Variants in MYH4 observed in about 807,000 individuals in gnomAD.
MYH4 encodes myosin-4.
Under a neutral mutation model 229.9 loss-of-function variants are expected in MYH4, and 200 were observed. The observed-to-expected ratio is 0.87, with a 90% CI of 0.78 to 0.98. The LOEUF is 0.98. Ranked by LOEUF, MYH4 falls within the 50% of genes least tolerant of loss-of-function variation. The pLI, the probability that MYH4 is intolerant of heterozygous loss-of-function variation, is 0.00. For synonymous variants in MYH4, 761 were observed against 834.6 expected (o/e 0.91, Z 1.52); for missense variants, 2,148 against 2,332.6 (o/e 0.92, Z 1.63).
rs1435424917 is a variant in MYH4, at chr17:10,445,015, C to G, written c.5427G>C (p.Leu1809=). ...LRLDEAEQLA[L]KGGKKQIQKL... is the part of the protein sequence containing the mutation. ...TCTGGATCTGCTTCTTCCCACCCTT[C>G]AGCGCCAGCTGCTCAGCCTCATCCA... Residue 1809 remains leucine (L), a synonymous_variant, in exon 37 of 40, where the codon CTG becomes CTC. Transcript: ENST00000255381. The G allele has an allele frequency of 6.2e-7, 1 of 1,614,142 alleles. No individual in the cohort carries two copies. The highest frequency in any genetic ancestry group is 2.2e-5 in the East Asian group (1 of 44,878).
Position 10,465,517 on chromosome 17 carries a change from G to T in MYH4, c.430C>A (p.Arg144=), listed in dbSNP as rs376085859. 24 of 1,613,956 alleles carry T rather than the reference G, an allele frequency of 1.5e-5. No homozygotes were observed. Among genetic ancestry groups the T allele is most frequent in the Middle Eastern group, 1.6e-4 (1 of 6,080 alleles). The change falls in exon 5 of 40, where the codon CGA becomes AGA. Residue 144 remains arginine (R), a synonymous_variant. Transcript: ENST00000255381. ...VYNPEVVTAY[R]GKKRQEAPPH... is the part of the protein sequence containing the mutation. ...GGGGCCTCCTGGCGCTTTTTGCCTC[G>T]GTAGGCTGTCACCACCTCAGGGTTG... is the stretch of plus-strand genomic sequence containing the variant.
At position 10,447,019 on chromosome 17, in the gene MYH4, G is replaced by A. The variant is rs142440574; in HGVS notation, c.5163C>T (p.His1721=). The change falls in exon 35 of 40, where the codon CAC becomes CAT. Residue 1721 remains histidine (H), a synonymous_variant. Transcript: ENST00000255381. ...CCATAGTCTTGAACCTCACCTGAGT[G>A]TGCAGAAGTTGCACACGTTCACTGG... ...LDASERVQLL[H]TQNTSLINTK... 5.5e-4 allele frequency: 891 copies of A among 1,613,794 alleles called. 19 individuals carry two copies. Among genetic ancestry groups the A allele is most frequent in the Middle Eastern group, 1.7e-4 (1 of 6,046 alleles).
chr17:10,462,022 G>A (rs55865442), intron 11 of MYH4, among the ~76,000 whole-genome samples: 54,258 of 151,880 alleles, frequency 0.36, 10,776 homozygotes, highest in East Asian at 0.81. Context: ...GACATACAAA[G>A]ATAATAATAA....
Position 10,453,732 on chromosome 17 carries a change from C to T in MYH4, c.2845G>A (p.Asp949Asn), listed in dbSNP as rs760223719. The T allele has an allele frequency of 2.5e-5, 41 of 1,613,938 alleles. 1 individual carries two copies. Among genetic ancestry groups the T allele is most frequent in the Middle Eastern group, 1.6e-4 (1 of 6,084 alleles). ...TCTTTCTTGAGCTCTGAACATTCATCCTCCAGTTTCCTCTTCTTGGCTGTC... is the reference window on the plus strand; with the variant it reads ...TCTTTCTTGAGCTCTGAACATTCATTCTCCAGTTTCCTCTTCTTGGCTGTC... ...ELTAKKRKLE[D>N]ECSELKKDID... The change falls in exon 23 of 40, where the codon GAT becomes AAT. Residue 949 changes from aspartate to asparagine, a missense_variant. By Grantham distance (23) the Asp-to-Asn change is conservative. Coordinates refer to ENST00000255381, the MANE Select transcript of MYH4 (RefSeq NM_017533.2).
Position 10,443,498 on chromosome 17 carries a change from C to T in MYH4, c.5697G>A (p.Lys1899=). The change falls in exon 40 of 40, where the codon AAG becomes AAA. Residue 1899 remains lysine (K), a synonymous_variant. Transcript: ENST00000255381. The surrounding 1 kb of genome is among the most constrained non-coding windows in gnomAD (Gnocchi z 4.6). ...AEEQSNVNLA[K]FRKLQHELEE... is the part of the protein sequence containing the mutation. ...CCAGCTCGTGCTGGAGCTTGCGGAA[C>T]TTGGCAAGGTTGACATTGGATTGTT... 6.2e-7 allele frequency: 1 copy of T among 1,614,038 alleles called. No homozygotes were observed. The highest frequency in any genetic ancestry group is 8.5e-7 in the Non-Finnish European group (1 of 1,179,948).
At chr17:10,463,720 A>G (rs1597423947) in intron 7 of MYH4, 77 bp from the exon 8 acceptor site, 2 of 1,133,280 alleles carry the variant, frequency 1.8e-6, no homozygotes, top group Non-Finnish European at 2.6e-6. Flanking sequence ...TCCCTTCCCC[A>G]TTGCCCCTGC....
chr17:10,457,414 C>T lies in MYH4; in HGVS notation c.1897+6G>A. 6.3e-7 allele frequency: 1 copy of T among 1,592,768 alleles called. No individual in the cohort carries two copies. On this transcript the variant is annotated splice_donor_region_variant and intron_variant, in intron 16 of 39. Coordinates refer to ENST00000255381, the MANE Select transcript of MYH4 (RefSeq NM_017533.2). Reference sequence around the variant, plus strand: ...CTTGTAACATATTAGTGCTATTAAACATGACCTGCTTCAGCAGTTTGTGCC... The same window carrying T: ...CTTGTAACATATTAGTGCTATTAAATATGACCTGCTTCAGCAGTTTGTGCC...
intron 2 of MYH4, among the ~76,000 whole-genome samples, chr17:10,468,225 A>C (rs2142235966): frequency 6.6e-6 from 1 of 152,334 alleles, no homozygotes; most frequent in South Asian, 2.1e-4. Context: ...TTGAATTAAC[A>C]ACACACTACC....
In MYH4 at chr17:10,452,083, T is replaced by C. The variant is rs909052554; in HGVS notation, c.3596A>G (p.Lys1199Arg). 6.2e-7 allele frequency: 1 copy of C among 1,613,880 alleles called. No homozygotes were observed. The highest frequency in any genetic ancestry group is 1.3e-5 in the African/African-American group (1 of 74,898). ...HEATAAALRK[K>R]HADSVAELGE... is the part of the protein sequence containing the mutation. ...AAGCTCAGCCACACTATCTGCGTGC[T>C]TCTTCCGAAGAGCAGCTGCCGTGGC... Residue 1199 changes from lysine to arginine, a missense_variant, in exon 27 of 40, where the codon AAG becomes AGG. Coordinates refer to ENST00000255381, the MANE Select transcript of MYH4 (RefSeq NM_017533.2).
In MYH4 at chr17:10,466,754, G is replaced by T; in HGVS notation, c.-9C>A. The T allele has an allele frequency of 6.2e-7, 1 of 1,614,190 alleles. No individual in the cohort carries two copies. Among genetic ancestry groups the T allele is most frequent in the Non-Finnish European group, 8.5e-7 (1 of 1,180,028 alleles). The stretch of plus-strand genomic sequence containing the variant: ...TCAGAGTCAGAACTCATGGCTGCAG[G>T]TTATTGATGGCAGTACTGGACTAGG... On this transcript the variant is annotated 5_prime_UTR_variant, in exon 3 of 40. Transcript: ENST00000255381.
intron 2 of MYH4, among the ~76,000 whole-genome samples, chr17:10,468,063 G>C (rs1279826788): frequency 6.6e-6 from 1 of 152,210 alleles, no homozygotes. Flanking sequence ...AGTCTTATCT[G>C]TAAAAGTGTC....
At chr17:10,467,163 C>T (rs1273121380) in intron 2 of MYH4, among the ~76,000 whole-genome samples, 1 of 152,118 alleles carries the variant, frequency 6.6e-6, no homozygotes, top group African/African-American at 2.4e-5. Flanking sequence ...CGTGATGATA[C>T]AAAGAAATGG....
In MYH4 at chr17:10,452,526, T is replaced by G. The variant is rs1336088177; in HGVS notation, c.3258-20A>C. 4 of 1,606,044 alleles carry G rather than the reference T, an allele frequency of 2.5e-6. No homozygotes were observed. The highest frequency in any genetic ancestry group is 2.6e-6 in the Non-Finnish European group (3 of 1,173,530). The stretch of plus-strand genomic sequence containing the variant: ...TCTTTCCTATTAGAAGAGCAACACA[T>G]TAGCTTATAATCACTTCTCTTACCA... On this transcript the variant is annotated intron_variant, in intron 25 of 39. Transcript: ENST00000255381.
chr17:10,455,948 A>G, intron 17 of MYH4, 47 bp from the exon 18 acceptor site: 1 of 1,606,804 alleles, frequency 6.2e-7, no homozygotes, highest in Non-Finnish European at 8.5e-7. Context: ...AGTTGCATCG[A>G]CATGAGAGTC....
Position 10,459,873 on chromosome 17 carries a change from G to A in MYH4, c.1416+79C>T, listed in dbSNP as rs185794669. 196 of 1,607,050 alleles carry A rather than the reference G, an allele frequency of 1.2e-4. 1 individual carries two copies. The Admixed American group carries it at 3.2e-3, about 26-fold the overall frequency. On this transcript the variant is annotated intron_variant, in intron 14 of 39. Transcript: ENST00000255381. ...GAATTACATTTGTATATTTTGTAAG[G>A]TACATTTTGTAAATGTGATTTTGTA... is the stretch of plus-strand genomic sequence containing the variant.
chr17:10,461,369 AC>A (rs1042724738), intron 11 of MYH4, among the ~76,000 whole-genome samples: 1 of 151,442 alleles, frequency 6.6e-6, no homozygotes, highest in African/African-American at 2.4e-5. Context: ...CCTTTTCTCC[AC>A]CCCAGCCCCC....
chr17:10,450,331 TATAATAAA>T (rs2072558564), intron 30 of MYH4, 114 bp downstream of exon 30: 23 of 1,490,332 alleles, frequency 1.5e-5, no homozygotes, highest in Non-Finnish European at 1.9e-5. Context: ...TCCACCAACC[TATAATAAA>T]ATAAGCTGAA....
rs73275422 is a variant in MYH4, at chr17:10,452,807, T to C, written c.3237A>G (p.Gln1079=). The C allele has an allele frequency of 6.2e-7, 1 of 1,606,284 alleles. No individual in the cohort carries two copies. The highest frequency in any genetic ancestry group is 1.3e-5 in the African/African-American group (1 of 74,478). Residue 1079 remains glutamine, a synonymous_variant, in exon 25 of 40, where the codon CAA becomes CAG. Transcript: ENST00000255381. ...STMDTENDKQ[Q]LNEKLKKKEF... is the part of the protein sequence containing the mutation. ...CTTACTTTTTGAGTTTCTCATTAAG[T>C]TGCTGTTTGTCATTTTCTGTATCCA...
intron 7 of MYH4, 80 bp from the exon 8 acceptor site, chr17:10,463,723 G>A: frequency 9.3e-7 from 1 of 1,073,518 alleles, no homozygotes; most frequent in Non-Finnish European, 1.4e-6. Context: ...CTTCCCCATT[G>A]CCCCTGCACA....
Sources: gnomAD v4.1 joint callset for allele counts (sites outside exome capture counted in the v4.1 genomes callset) on GRCh38, gnomAD v4.1.1 for gene constraint, Gnocchi (gnomAD v3.1) non-coding constraint, MANE v1.5 for transcripts, NCBI Gene and HGNC (gene_info 2026-07-23, HGNC 2026-07-21) for gene names.